TMEM135: variants seen among roughly 807,000 people sequenced by gnomAD.
TMEM135 encodes the protein peroxisomal membrane protein 52.
Under a neutral mutation model 60.3 loss-of-function variants are expected in TMEM135, and 30 were observed. That is an observed-to-expected ratio of 0.50 (90% CI 0.37 to 0.68). The LOEUF (loss-of-function observed/expected upper bound fraction) is 0.68. TMEM135 is among the 30% of genes least tolerant of loss of function. The pLI, the probability that TMEM135 is intolerant of heterozygous loss-of-function variation, is 0.00. For missense variants in TMEM135, 468 were observed against 548.8 expected, an observed-to-expected ratio of 0.85 and a Z score of 1.47; for synonymous variants, 190 against 186.7, an observed-to-expected ratio of 1.02 and a Z score of -0.14.
At chr11:87,242,207 T>G (rs1941152440) in intron 6 of TMEM135, among the ~76,000 whole-genome samples, 1 of 151,648 alleles carries the variant, frequency 6.6e-6, no homozygotes, top group African/African-American at 2.4e-5. Flanking sequence ...CTGCATAGTA[T>G]TCCATGGTGT....
intron 4 of TMEM135, among the ~76,000 whole-genome samples, chr11:87,145,539 T>C (rs1382208303): frequency 6.6e-6 from 1 of 152,200 alleles, no homozygotes. Flanking sequence ...CTAATTTATA[T>C]TCCCACCAAG....
intron 4 of TMEM135, among the ~76,000 whole-genome samples, chr11:87,150,215 CA>C (rs200067307): frequency 0.089 from 9,717 of 109,722 alleles, 195 homozygotes; most frequent in African/African-American, 0.1. Context: ...AACTCTGTCT[CA>C]AAAAAAAAAA....
chr11:87,266,346 A>T (rs1331024284), intron 6 of TMEM135, among the ~76,000 whole-genome samples: 2 of 152,198 alleles, frequency 1.3e-5, no homozygotes, highest in African/African-American at 4.8e-5. Flanking sequence ...AATTTCATCT[A>T]TCAAAGGACT....
chr11:87,269,252 A>G (rs1941813028), intron 6 of TMEM135, among the ~76,000 whole-genome samples: 1 of 147,686 alleles, frequency 6.8e-6, no homozygotes, highest in Non-Finnish European at 1.5e-5. Context: ...ATCTTGTAAT[A>G]GATTTCAGAG....
rs531057681 is a variant in TMEM135, at chr11:87,157,529, A to G, written c.462+123A>G. 849 of 822,968 alleles carry G rather than the reference A, an allele frequency of 1.0e-3. 1 individual carries two copies. The highest frequency in any genetic ancestry group is 1.5e-3 in the Non-Finnish European group (744 of 502,288). 51.0% of individuals were successfully genotyped at this position (822,968 alleles called of 1,614,324 possible). On this transcript the variant is annotated intron_variant, in intron 5 of 14. Transcript: ENST00000305494. The stretch of plus-strand genomic sequence containing the variant: ...AATAGAGAGATATCTGATGTATATA[A>G]TATTGAGTGTACCTGATGAACAAAT...
chr11:87,211,106 T>TA (rs1303266320), intron 5 of TMEM135, among the ~76,000 whole-genome samples: 3 of 152,168 alleles, frequency 2.0e-5, no homozygotes, highest in Non-Finnish European at 4.4e-5. Flanking sequence ...TACCTACTCT[T>TA]ACCGCTCCTA....
chr11:87,091,916 TTAAAG>T (rs1224589669), intron 4 of TMEM135, among the ~76,000 whole-genome samples: 1 of 152,152 alleles, frequency 6.6e-6, no homozygotes, highest in Non-Finnish European at 1.5e-5. Flanking sequence ...TTGATATTCT[TTAAAG>T]TAAATATATA....
Position 87,328,732 on chromosome 11 carries a change from T to C in TMEM135, c.*7399T>C, listed in dbSNP as rs1942950727. The C allele has an allele frequency of 2.2e-6, 1 of 454,018 alleles. No individual in the cohort carries two copies. Among genetic ancestry groups the C allele is most frequent in the African/African-American group, 2.0e-5 (1 of 50,014 alleles). 28.1% of individuals were successfully genotyped at this position (454,018 alleles called of 1,614,324 possible). On this transcript the variant is annotated 3_prime_UTR_variant, in exon 15 of 15. Transcript: ENST00000305494. ...CATGGTGCATATATACCACATTTTC[T>C]TTATCCACTCATTGGTCTATGGGCA...
chr11:87,204,143 G>A (rs528039466), intron 5 of TMEM135, among the ~76,000 whole-genome samples: 1 of 150,492 alleles, frequency 6.6e-6, no homozygotes, highest in African/African-American at 2.4e-5. Context: ...CATTTTCTCT[G>A]TCACTCATTG....
chr11:87,221,974 GA>G (rs1306398913), intron 5 of TMEM135, among the ~76,000 whole-genome samples: 1 of 152,014 alleles, frequency 6.6e-6, no homozygotes, highest in Non-Finnish European at 1.5e-5. Context: ...GAGGTGGGCG[GA>G]TTGTGAGGTC....
chr11:87,267,081 T>C (rs1941764241), intron 6 of TMEM135, among the ~76,000 whole-genome samples: 3 of 152,120 alleles, frequency 2.0e-5, no homozygotes, highest in South Asian at 4.1e-4. Flanking sequence ...GAAGAAAGTA[T>C]TGGAAATGGA....
chr11:87,142,517 A>G (rs1938291011), intron 4 of TMEM135, among the ~76,000 whole-genome samples: 1 of 152,184 alleles, frequency 6.6e-6, no homozygotes, highest in African/African-American at 2.4e-5. Context: ...GGCATCTACT[A>G]TTTGTGTCGA....
At chr11:87,314,157 G>C (rs569730204) in intron 11 of TMEM135, among the ~76,000 whole-genome samples, 44 of 151,788 alleles carry the variant, frequency 2.9e-4, no homozygotes, top group African/African-American at 8.4e-4. Context: ...GAACCAAGAG[G>C]CTTTGAAAAA....
At chr11:87,133,521 C>T (rs886459620) in intron 4 of TMEM135, among the ~76,000 whole-genome samples, 2 of 152,078 alleles carry the variant, frequency 1.3e-5, no homozygotes, top group Admixed American at 1.3e-4. Flanking sequence ...CTCTTGATCC[C>T]TCTTTACAAA....
chr11:87,155,606 A>C (rs1490046050), intron 4 of TMEM135, among the ~76,000 whole-genome samples: 4 of 152,076 alleles, frequency 2.6e-5, no homozygotes, highest in Non-Finnish European at 5.9e-5. Flanking sequence ...GACTGAGGAG[A>C]TGAAAGGAAA....
In TMEM135 at chr11:87,327,592, G is replaced by A. The variant is rs956167985; in HGVS notation, c.*6259G>A. ...AGAGATATGAGAGGGGATTAAGGGAGTTGGCTCATGTGATTGTGGAGGCTG... is the reference window on the plus strand; with the variant it reads ...AGAGATATGAGAGGGGATTAAGGGAATTGGCTCATGTGATTGTGGAGGCTG... On this transcript the variant is annotated 3_prime_UTR_variant, in exon 15 of 15. Transcript: ENST00000305494. 2.2e-6 allele frequency: 1 copy of A among 452,824 alleles called. No individual in the cohort carries two copies. The highest frequency in any genetic ancestry group is 4.4e-6 in the Non-Finnish European group (1 of 226,172). 28.1% of individuals were successfully genotyped at this position (452,824 alleles called of 1,614,324 possible).
At chr11:87,258,189 A>G (rs368820197) in intron 6 of TMEM135, among the ~76,000 whole-genome samples, 6 of 97,024 alleles carry the variant, frequency 6.2e-5, no homozygotes, top group African/African-American at 2.4e-4. Context: ...ATTTTGGGGA[A>G]AAGCCTTTTT....
intron 1 of TMEM135, among the ~76,000 whole-genome samples, chr11:87,049,762 CAG>C (rs1248601263): frequency 0.012 from 1,129 of 91,022 alleles, 135 homozygotes; most frequent in South Asian, 0.016. Flanking sequence ...ATCAACGAGA[CAG>C]AAAGTCAACA....
intron 3 of TMEM135, among the ~76,000 whole-genome samples, chr11:87,083,428 T>C (rs1186739894): frequency 1.3e-5 from 2 of 152,192 alleles, no homozygotes; most frequent in Admixed American, 1.3e-4. Flanking sequence ...TATTTAGTAT[T>C]AGTTAAGAAT....
Sources: allele counts gnomAD v4.1 joint callset (sites outside exome capture counted in the v4.1 genomes callset), GRCh38; gene constraint gnomAD v4.1.1; transcripts MANE v1.5; gene names NCBI Gene and HGNC (gene_info 2026-07-23, HGNC 2026-07-21).